The following TCF4 variants were observed in gnomAD, a reference collection of about 807,000 sequenced individuals.
TCF4 encodes SL3-3 enhancer factor 2.
A neutral mutation model predicts 82.1 loss-of-function variants in TCF4; 3 were observed. That is an observed-to-expected ratio of 0.04 (90% CI 0.02 to 0.09). TCF4 has a LOEUF of 0.09. Ranked by LOEUF, TCF4 falls within the 10% of genes least tolerant of loss-of-function variation. TCF4 has a pLI of 1.00. For missense variants in TCF4, 518 were observed against 852.7 expected (o/e 0.61, Z 4.89); for synonymous variants, 276 against 309.6 (o/e 0.89, Z 1.14).
At chr18:55,467,556 ACAC>A (rs1450541669) in intron 3 of TCF4, among the ~76,000 whole-genome samples, 6 of 152,128 alleles carry the variant, frequency 3.9e-5, no homozygotes, top group Non-Finnish European at 8.8e-5. Flanking sequence ...TGCATGCCCC[ACAC>A]CACCAACAGC....
intron 3 of TCF4, among the ~76,000 whole-genome samples, chr18:55,502,628 G>A (rs1342085034): frequency 6.6e-6 from 1 of 152,118 alleles, no homozygotes; most frequent in African/African-American, 2.4e-5. Flanking sequence ...ACAATATAGG[G>A]GCACATAAGT....
chr18:55,381,274 G>T (rs2091860249), intron 6 of TCF4, among the ~76,000 whole-genome samples: 2 of 152,140 alleles, frequency 1.3e-5, no homozygotes, highest in African/African-American at 4.8e-5. Context: ...TTTTGTTGTT[G>T]TTGCTGTTTT....
At chr18:55,367,857 G>A (rs966383147) in intron 6 of TCF4, among the ~76,000 whole-genome samples, 1 of 152,212 alleles carries the variant, frequency 6.6e-6, no homozygotes, top group Non-Finnish European at 1.5e-5. Flanking sequence ...TTAGTAGGGA[G>A]AAGAAGCTTC....
chr18:55,598,192 T>C (rs1278143446), intron 2 of TCF4, among the ~76,000 whole-genome samples: 1 of 152,088 alleles, frequency 6.6e-6, no homozygotes, highest in African/African-American at 2.4e-5. Flanking sequence ...GAGACTAGAG[T>C]TGAATCTGGA....
intron 5 of TCF4, among the ~76,000 whole-genome samples, chr18:55,404,751 T>C (rs1273086653): frequency 1.3e-5 from 2 of 152,214 alleles, no homozygotes; most frequent in Non-Finnish European, 2.9e-5. Context: ...TTGATACATT[T>C]ATATCCATAA....
intron 15 of TCF4, among the ~76,000 whole-genome samples, chr18:55,239,679 A>T (rs1040802841): frequency 6.6e-6 from 1 of 152,244 alleles, no homozygotes; most frequent in African/African-American, 2.4e-5. Context: ...ATAAAATTTA[A>T]TATTTGCCAC....
chr18:55,451,341 G>A lies in TCF4; in HGVS notation c.304+9678C>T, dbSNP rs374493276. ...ACCACATCTTTCTCAGTGAGCCTGG[G>A]AGGGGTGGGCCAGGCTGGCATCCCT... On this transcript the variant is annotated intron_variant, in intron 5 of 19. Transcript: ENST00000354452. 2.0e-5 allele frequency among the ~76,000 whole-genome samples: 3 copies of A among 152,306 alleles called. No homozygotes were observed. In the East Asian group the frequency reaches 5.8e-4, roughly 29 times the overall value.
At chr18:55,356,473 T>A (rs1312642334) in intron 6 of TCF4, among the ~76,000 whole-genome samples, 4 of 152,230 alleles carry the variant, frequency 2.6e-5, no homozygotes, top group Non-Finnish European at 5.9e-5. Context: ...ATGAGTTCAG[T>A]GGCTCCTTTA....
At chr18:55,350,452 T>C in intron 7 of TCF4, 44 bp from the exon 8 acceptor site, 2 of 1,607,416 alleles carry the variant, frequency 1.2e-6, no homozygotes, top group South Asian at 2.2e-5. Flanking sequence ...ATGCCCATTT[T>C]CCTAACTAAG....
At chr18:55,497,897 A>G (rs1219968163) in intron 3 of TCF4, among the ~76,000 whole-genome samples, 2 of 152,210 alleles carry the variant, frequency 1.3e-5, no homozygotes, top group East Asian at 3.9e-4. Context: ...ATACCAAATT[A>G]ATTCATTATG....
chr18:55,587,632 C>T (rs1009616515), intron 1 of TCF4, among the ~76,000 whole-genome samples: 1 of 151,656 alleles, frequency 6.6e-6, no homozygotes, highest in Admixed American at 6.6e-5. Context: ...CACTCCCCTC[C>T]GCTTTTCAAA....
intron 3 of TCF4, among the ~76,000 whole-genome samples, chr18:55,537,265 C>G (rs1186378940): frequency 6.6e-6 from 1 of 151,950 alleles, no homozygotes; most frequent in Non-Finnish European, 1.5e-5. Flanking sequence ...TAGAACCTTC[C>G]TTTCTCAACT....
chr18:55,365,179 A>ATGTGTGTGTGTGTG (rs2086576675), intron 6 of TCF4, among the ~76,000 whole-genome samples: 2 of 129,012 alleles, frequency 1.6e-5, no homozygotes, highest in Non-Finnish European at 3.2e-5. Flanking sequence ...ATATATATAT[A>ATGTGTGTGTGTGTG]TATATATATA....
chr18:55,245,805 C>T (rs1202111183), intron 15 of TCF4, among the ~76,000 whole-genome samples: 1 of 151,090 alleles, frequency 6.6e-6, no homozygotes, highest in Non-Finnish European at 1.5e-5. Flanking sequence ...TAGGTCATTT[C>T]ATAATTCTAC....
intron 3 of TCF4, among the ~76,000 whole-genome samples, chr18:55,541,843 C>T (rs959059544): frequency 1.3e-5 from 2 of 151,872 alleles, no homozygotes; most frequent in Non-Finnish European, 2.9e-5. Context: ...AGGGAGAATA[C>T]GACGTTATTT....
intron 8 of TCF4, among the ~76,000 whole-genome samples, chr18:55,281,692 TAATA>T (rs1209941963): frequency 1.3e-5 from 2 of 151,692 alleles, no homozygotes; most frequent in African/African-American, 4.8e-5. Flanking sequence ...TGATGACACC[TAATA>T]AGGTTTATCC....
chr18:55,319,039 A>G (rs1219993758), intron 8 of TCF4, among the ~76,000 whole-genome samples: 1 of 152,132 alleles, frequency 6.6e-6, no homozygotes, highest in Non-Finnish European at 1.5e-5. Context: ...TGTCACTGGG[A>G]AAAAAGAAGG....
chr18:55,249,836 C>A (rs2054469617), intron 15 of TCF4, among the ~76,000 whole-genome samples: 1 of 152,138 alleles, frequency 6.6e-6, no homozygotes, highest in African/African-American at 2.4e-5. Flanking sequence ...CACATAAAGA[C>A]AAGTTTGATG....
chr18:55,550,146 C>G (rs1394399955), intron 3 of TCF4: 1 of 152,180 alleles, frequency 6.6e-6, no homozygotes, highest in Admixed American at 6.5e-5. Context: ...CTCTTAGACA[C>G]ACATCAAGAG....
Sources: allele counts gnomAD v4.1 joint callset (sites outside exome capture counted in the v4.1 genomes callset), GRCh38; gene constraint gnomAD v4.1.1; transcripts MANE v1.5; gene names NCBI Gene and HGNC (gene_info 2026-07-23, HGNC 2026-07-21).